Variants in ZNF331 observed in about 807,000 individuals in gnomAD.
ZNF331 encodes the protein C2H2-like zinc finger protein rearranged in thyroid adenomas.
ZNF331 carries 2 observed loss-of-function variants against 7.0 expected under a neutral mutation model. The ratio of observed to expected loss-of-function variants is 0.29; its 90% CI spans 0.12 to 0.90. The LOEUF (loss-of-function observed/expected upper bound fraction) is 0.90. Ranked by LOEUF, ZNF331 falls within the 40% of genes least tolerant of loss-of-function variation. The pLI is 0.58. For missense variants in ZNF331, 432 were observed against 587.7 expected, an observed-to-expected ratio of 0.74 and a Z score of 2.74; for synonymous variants, 196 against 205.4, an observed-to-expected ratio of 0.95 and a Z score of 0.39.
the ZNF331 span, among the ~76,000 whole-genome samples, chr19:53,508,582 C>T: frequency 6.6e-6 from 1 of 151,996 alleles, no homozygotes; most frequent in African/African-American, 2.4e-5. Flanking sequence ...TGACAGCCTC[C>T]AGGAATGATC....
intron 3 of ZNF331, among the ~76,000 whole-genome samples, chr19:53,562,872 C>G (rs902473469): frequency 6.6e-6 from 1 of 151,746 alleles, no homozygotes; most frequent in East Asian, 2.0e-4. Flanking sequence ...CCTGTAATCC[C>G]AGCTACTCAG....
chr19:53,562,695 A>C (rs1485549509), intron 3 of ZNF331, among the ~76,000 whole-genome samples: 2 of 151,396 alleles, frequency 1.3e-5, no homozygotes. Flanking sequence ...CATCTCAAAA[A>C]GAAAAAAAAA....
intron 3 of ZNF331, among the ~76,000 whole-genome samples, chr19:53,561,720 G>A (rs765300534): frequency 6.6e-6 from 1 of 152,168 alleles, no homozygotes; most frequent in Non-Finnish European, 1.5e-5. Context: ...AGGCATGGTG[G>A]TGTGTGCCTA....
intron 2 of ZNF331, among the ~76,000 whole-genome samples, chr19:53,529,312 A>G (rs1460247794): frequency 2.0e-5 from 3 of 151,744 alleles, no homozygotes; most frequent in Non-Finnish European, 4.4e-5. Context: ...AGGCAGGAGA[A>G]TGGCGTGAAC....
At chr19:53,540,807 C>T (rs2088108929) in intron 2 of ZNF331, among the ~76,000 whole-genome samples, 1 of 152,236 alleles carries the variant, frequency 6.6e-6, no homozygotes, top group African/African-American at 2.4e-5. Flanking sequence ...GTTTGTGACC[C>T]CTTCTTCCAT....
chr19:53,574,944 T>C (rs563997548), intron 5 of ZNF331, among the ~76,000 whole-genome samples: 69 of 149,540 alleles, frequency 4.6e-4, no homozygotes, highest in African/African-American at 1.4e-3. Flanking sequence ...TTTCTTTTTT[T>C]TTTTTTTTTT....
chr19:53,577,492 T>G lies in ZNF331; in HGVS notation c.932T>G (p.Val311Gly). 6.2e-7 allele frequency: 1 copy of G among 1,611,834 alleles called. No individual in the cohort carries two copies. The highest frequency in any genetic ancestry group is 8.5e-7 in the Non-Finnish European group (1 of 1,178,762). Residue 311 changes from valine (V) to glycine (G), a missense_variant, in exon 6 of 6, where the codon GTC becomes GGC. Physicochemically the swap from Val to Gly is moderately radical, Grantham distance 109 (BLOSUM62 -3). Around this residue, in one of 3 missense-constraint regions of ZNF331, gnomAD observed 312 missense variants for 448.6 expected, o/e 0.70. Transcript: ENST00000449416. ...GAATGTGGGAAGGCCTTTACTCGAG[T>G]CAATTACCTTACTCAGCATCAGAAG... ...CQECGKAFTR[V>G]NYLTQHQKIH...
rs564992413 is a variant in ZNF331, at chr19:53,578,117, CGCTGTCCGGCTCCAGCCGGCCGGG to C, written c.*167_*190del. ...TTCTGAGTAGCGTGATGAAATCTCT[CGCTGTCCGGCTCCAGCCGGCCGGG>C]GATGTGAGTCATCCCTTGGTCCAGC... On this transcript the variant is annotated 3_prime_UTR_variant, in exon 6 of 6. Coordinates refer to ENST00000449416, the MANE Select transcript of ZNF331 (RefSeq NM_001079906.2). The C allele has an allele frequency of 2.1e-5, 20 of 950,336 alleles. No homozygotes were observed. The African/African-American group carries it at 2.8e-4, about 13-fold the overall frequency. The allele number at this position is 950,336 out of a possible 1,614,324, so 58.9% of individuals were successfully genotyped here.
At chr19:53,575,111 A>AT (rs367892310) in intron 5 of ZNF331, among the ~76,000 whole-genome samples, 29 of 149,134 alleles carry the variant, frequency 1.9e-4, no homozygotes, top group African/African-American at 3.7e-4. Flanking sequence ...TAATTTTTGT[A>AT]TTTTTTTTGT....
chr19:53,512,104 A>G, the ZNF331 span: 3 of 152,316 alleles, frequency 2.0e-5, no homozygotes, highest in Non-Finnish European at 1.5e-5. Context: ...CTCAAGCCCA[A>G]TCTGATCCAC....
the ZNF331 span, among the ~76,000 whole-genome samples, chr19:53,505,427 G>C: frequency 6.6e-6 from 1 of 152,064 alleles, no homozygotes; most frequent in Non-Finnish European, 1.5e-5. Context: ...TCGAGCTCCT[G>C]GGCTCAAGTG....
At chr19:53,551,816 A>T (rs2089029711) in intron 2 of ZNF331, among the ~76,000 whole-genome samples, 1 of 152,198 alleles carries the variant, frequency 6.6e-6, no homozygotes, top group Non-Finnish European at 1.5e-5. Flanking sequence ...GTACAGGAGG[A>T]TGTGGATAGG....
At chr19:53,565,847 A>T (rs962418411) in intron 3 of ZNF331, among the ~76,000 whole-genome samples, 1 of 152,170 alleles carries the variant, frequency 6.6e-6, no homozygotes, top group South Asian at 2.1e-4. Context: ...TTTAAGAAAA[A>T]AAAAGAAACC....
chr19:53,568,240 G>A (rs1199104843), intron 3 of ZNF331, among the ~76,000 whole-genome samples: 4 of 145,758 alleles, frequency 2.7e-5, no homozygotes, highest in Admixed American at 1.4e-4. Flanking sequence ...GTGAGACTCC[G>A]TTCAAAAAAA....
rs183639362 is a variant in ZNF331, at chr19:53,549,425, C to T, written c.-137-6420C>T. ...AAGGAGGTAGGATGAAAATGAAATC[C>T]GTCCTCCCAGGGAGTTTGGAGCTAG... On this transcript the variant is annotated intron_variant, in intron 2 of 5. Coordinates refer to ENST00000449416, the MANE Select transcript of ZNF331 (RefSeq NM_001079906.2). Among the ~76,000 whole-genome samples the T allele has an allele frequency of 2.3e-3, 351 of 152,224 alleles. 1 individual carries two copies. Among genetic ancestry groups the T allele is most frequent in the Middle Eastern group, 0.017 (5 of 294 alleles).
At chr19:53,525,624 T>C (rs1421789165) in intron 2 of ZNF331, among the ~76,000 whole-genome samples, 1 of 152,220 alleles carries the variant, frequency 6.6e-6, no homozygotes, top group African/African-American at 2.4e-5. Context: ...ATACTATTGA[T>C]TTTTTAATGT....
intron 2 of ZNF331, among the ~76,000 whole-genome samples, chr19:53,546,159 A>C (rs919171744): frequency 1.4e-5 from 2 of 147,954 alleles, no homozygotes; most frequent in African/African-American, 5.3e-5. Context: ...AAAAAAAAAA[A>C]AATTATTATT....
upstream of ZNF331, among the ~76,000 whole-genome samples, chr19:53,536,795 G>T (rs546428613): frequency 2.6e-5 from 4 of 152,224 alleles, no homozygotes; most frequent in South Asian, 8.3e-4. Context: ...CCCAGCTACT[G>T]GGGAGGCTGA....
chr19:53,517,683 C>T (rs2086935322), upstream of ZNF331, among the ~76,000 whole-genome samples: 1 of 152,108 alleles, frequency 6.6e-6, no homozygotes, highest in African/African-American at 2.4e-5. Flanking sequence ...GATCACAAGG[C>T]AAAGTCCCAT....
Sources: allele counts gnomAD v4.1 joint callset (sites outside exome capture counted in the v4.1 genomes callset), GRCh38; gene constraint gnomAD v4.1.1; regional missense constraint gnomAD v4.1.1; transcripts MANE v1.5; gene names NCBI Gene and HGNC (gene_info 2026-07-23, HGNC 2026-07-21).